FANCB: variants seen among roughly 807,000 people sequenced by gnomAD.
FANCB encodes Fanconi anemia group B protein.
Under a neutral mutation model 38.9 loss-of-function variants are expected in FANCB, and 5 were observed. The observed-to-expected ratio is 0.13, with a 90% CI of 0.07 to 0.27. The LOEUF (loss-of-function observed/expected upper bound fraction) is 0.27, where lower values mean the gene tolerates loss of function less well. Ranked by LOEUF, FANCB falls within the 10% of genes least tolerant of loss-of-function variation. The pLI is 1.00. For synonymous variants in FANCB, 236 were observed against 215.4 expected (o/e 1.10, Z -0.84); for missense variants, 573 against 602.7 (o/e 0.95, Z 0.52).
At chrX:14,796,448 C>T in the FANCB span, among the ~76,000 whole-genome samples, 1 of 91,318 alleles carries the variant, frequency 1.1e-5, no homozygotes, top group Non-Finnish European at 2.1e-5. Flanking sequence ...CCTATTGATT[C>T]TATATATATA....
chrX:14,859,486 A>G (rs1473622602), intron 3 of FANCB, 152 bp from the exon 4 acceptor site: 18 of 432,740 alleles, frequency 4.2e-5, no homozygotes, highest in Non-Finnish European at 6.0e-5. Context: ...AATAAAATAA[A>G]GATATTAGGG....
chrX:14,850,811 T>C (rs1360863353), intron 6 of FANCB, 137 bp from the exon 7 acceptor site: 2 of 438,419 alleles, frequency 4.6e-6, no homozygotes, highest in Non-Finnish European at 7.9e-6. Flanking sequence ...TATCATATTA[T>C]AGATTATACA....
At chrX:14,799,998 G>C in the FANCB span, among the ~76,000 whole-genome samples, 23 of 111,824 alleles carry the variant, frequency 2.1e-4, no homozygotes, top group African/African-American at 7.5e-4. Flanking sequence ...ATTGAGGAGA[G>C]AATTGTTATG....
At chrX:14,781,693 C>T in the FANCB span, among the ~76,000 whole-genome samples, 1 of 111,532 alleles carries the variant, frequency 9.0e-6, no homozygotes, top group Non-Finnish European at 1.9e-5. Context: ...GAACTTTCTA[C>T]CAGAGCAGCA....
chrX:14,800,735 T>C, the FANCB span, among the ~76,000 whole-genome samples: 1 of 111,994 alleles, frequency 8.9e-6, no homozygotes, highest in South Asian at 3.7e-4. Context: ...AATTAAATAA[T>C]TTAATTGCAT....
chrX:14,754,797 C>T, the FANCB span, among the ~76,000 whole-genome samples: 18 of 108,795 alleles, frequency 1.7e-4, no homozygotes, highest in Non-Finnish European at 3.2e-4. Context: ...TTTCAAACGA[C>T]GCAAAAAAAA....
At chrX:14,855,571 T>C (rs1024459963) in intron 5 of FANCB, among the ~76,000 whole-genome samples, 2 of 112,485 alleles carry the variant, frequency 1.8e-5, no homozygotes, top group African/African-American at 6.5e-5. Flanking sequence ...TCTGTATCTC[T>C]TTCATCTCTT....
At chrX:14,814,024 C>T in the FANCB span, among the ~76,000 whole-genome samples, 2 of 111,521 alleles carry the variant, frequency 1.8e-5, no homozygotes, top group Non-Finnish European at 3.8e-5. Flanking sequence ...TAACATCACA[C>T]ATCTACAACC....
At chrX:14,864,506 T>C in intron 3 of FANCB, 54 bp downstream of exon 3, 1 of 792,212 alleles carries the variant, frequency 1.3e-6, no homozygotes, top group Non-Finnish European at 1.9e-6. Flanking sequence ...ACTATACAAA[T>C]GTTTAAAAGG....
chrX:14,741,700 G>A, the FANCB span, among the ~76,000 whole-genome samples: 1 of 111,709 alleles, frequency 9.0e-6, no homozygotes, highest in Non-Finnish European at 1.9e-5. Context: ...TATTCAAAAG[G>A]ATAAAATCAT....
chrX:14,812,880 C>A, the FANCB span, among the ~76,000 whole-genome samples: 10,306 of 107,368 alleles, frequency 0.096, 805 homozygotes, highest in African/African-American at 0.24. Context: ...AATTTTAGAC[C>A]AATATCCTTG....
chrX:14,756,164 C>T, the FANCB span, among the ~76,000 whole-genome samples: 7 of 111,670 alleles, frequency 6.3e-5, no homozygotes, highest in African/African-American at 9.8e-5. Context: ...CAGCCACATA[C>T]AAAAATCAAC....
chrX:14,833,674 T>TGGGGG (rs56758477), downstream of FANCB, among the ~76,000 whole-genome samples: 88 of 103,646 alleles, frequency 8.5e-4, 2 homozygotes, highest in Non-Finnish European at 1.3e-3. Flanking sequence ...AGGCTGGGTG[T>TGGGGG]GGGGGGGGTT....
the FANCB span, among the ~76,000 whole-genome samples, chrX:14,733,912 G>A: frequency 9.0e-6 from 1 of 111,684 alleles, no homozygotes; most frequent in Non-Finnish European, 1.9e-5. Context: ...TGTTGAATAG[G>A]ACCCATGGTT....
chrX:14,855,517 C>A (rs926673205), intron 5 of FANCB, among the ~76,000 whole-genome samples: 1 of 111,959 alleles, frequency 8.9e-6, no homozygotes, highest in Non-Finnish European at 1.9e-5. Flanking sequence ...CTCTGTGCTA[C>A]ATTTTGGATA....
the FANCB span, among the ~76,000 whole-genome samples, chrX:14,813,526 A>G: frequency 9.0e-6 from 1 of 111,548 alleles, no homozygotes; most frequent in Non-Finnish European, 1.9e-5. Context: ...CTATACACCA[A>G]TAACAGACAA....
the FANCB span, among the ~76,000 whole-genome samples, chrX:14,799,622 G>C: frequency 0.063 from 7,008 of 111,658 alleles, 280 homozygotes; most frequent in African/African-American, 0.13. Flanking sequence ...TGAAGAGATG[G>C]TTGATGGTAA....
the FANCB span, among the ~76,000 whole-genome samples, chrX:14,723,162 C>A: frequency 1.8e-5 from 2 of 112,175 alleles, no homozygotes; most frequent in East Asian, 5.6e-4. Flanking sequence ...CCCCATGTAT[C>A]TATTCGAATG....
the FANCB span, among the ~76,000 whole-genome samples, chrX:14,830,694 C>A: frequency 8.9e-6 from 1 of 111,758 alleles, no homozygotes; most frequent in African/African-American, 3.3e-5. Flanking sequence ...CTCCAAACAG[C>A]TGACATGGTC....
Sources: allele counts gnomAD v4.1 joint callset (sites outside exome capture counted in the v4.1 genomes callset), GRCh38; gene constraint gnomAD v4.1.1; transcripts MANE v1.5; gene names NCBI Gene and HGNC (gene_info 2026-07-23, HGNC 2026-07-21).